Variants in GPHB5 observed in about 807,000 individuals in gnomAD.
GPHB5 encodes glycoprotein hormone beta-5.
A neutral mutation model predicts 10.1 loss-of-function variants in GPHB5; 7 were observed. The observed-to-expected ratio is 0.69, with a 90% CI of 0.39 to 1.30. The LOEUF (loss-of-function observed/expected upper bound fraction) is 1.30, where lower values mean the gene tolerates loss of function less well. Among genes scored for constraint, GPHB5 ranks in the 50% most tolerant of loss-of-function variants. The probability of loss-of-function intolerance (pLI) is 0.01; values close to 1 mark genes in which losing one functional copy is unlikely to be tolerated. For synonymous variants in GPHB5, 68 were observed against 70.1 expected (o/e 0.97, Z 0.15); for missense variants, 161 against 169.8 (o/e 0.95, Z 0.29).
intron 2 of GPHB5, among the ~76,000 whole-genome samples, chr14:63,313,676 A>G (rs1882715407): frequency 6.6e-6 from 1 of 152,140 alleles, no homozygotes; most frequent in South Asian, 2.1e-4. Context: ...CACCAGGAAC[A>G]GCCCCAGCTC....
At position 63,313,039 on chromosome 14, in the gene GPHB5, G is replaced by A; in HGVS notation, c.282C>T (p.Val94=). 6.2e-7 allele frequency: 1 copy of A among 1,604,518 alleles called. No homozygotes were observed. Among genetic ancestry groups the A allele is most frequent in the Non-Finnish European group, 8.5e-7 (1 of 1,175,484 alleles). ...CTYNETKQVT[V]KLPNCAPGVD... ...CTCCCGGGGCACAGTTGGGCAGCTT[G>A]ACAGTCACCTGTTTGGTCTCGTTGT... The change falls in exon 3 of 3, where the codon GTC becomes GTT. Residue 94 remains valine, a synonymous_variant. Transcript: ENST00000621500.
chr14:63,318,925 T>C lies in GPHB5; in HGVS notation c.-103A>G, dbSNP rs532559937. 6.6e-6 allele frequency: 1 copy of C among 152,370 alleles called. No individual in the cohort carries two copies. The highest frequency in any genetic ancestry group is 2.4e-5 in the African/African-American group (1 of 41,586). 9.4% of individuals were successfully genotyped at this position (152,370 alleles called of 1,614,324 possible). A position where few individuals can be genotyped will look rare whatever the true frequency, so the allele number is the denominator to read the frequency against. Reference sequence around the variant, plus strand: ...GAAGTTTGCCCTGGGTAAATGTCTCTACCTTCTGTTACTGGGCTGCTTGAT... The same window carrying C: ...GAAGTTTGCCCTGGGTAAATGTCTCCACCTTCTGTTACTGGGCTGCTTGAT... On this transcript the variant is annotated 5_prime_UTR_variant, in exon 1 of 3. Coordinates refer to ENST00000621500, the MANE Select transcript of GPHB5 (RefSeq NM_145171.4).
intron 2 of GPHB5, among the ~76,000 whole-genome samples, chr14:63,313,740 T>G (rs1236961115): frequency 1.3e-5 from 2 of 152,164 alleles, no homozygotes; most frequent in African/African-American, 4.8e-5. Context: ...TCCCGTATGA[T>G]TCACTCTTTC....
At chr14:63,313,661 T>C (rs1882714809) in intron 2 of GPHB5, among the ~76,000 whole-genome samples, 1 of 152,192 alleles carries the variant, frequency 6.6e-6, no homozygotes, top group South Asian at 2.1e-4. Context: ...ATTGCTCCTC[T>C]GACCCACCAG....
intron 2 of GPHB5, among the ~76,000 whole-genome samples, chr14:63,313,328 A>T (rs1566640062): frequency 6.6e-6 from 1 of 152,222 alleles, no homozygotes; most frequent in Non-Finnish European, 1.5e-5. Flanking sequence ...CATAGCACAC[A>T]GCAAGTGCTC....
chr14:63,316,614 G>T (rs1882775665), intron 2 of GPHB5, among the ~76,000 whole-genome samples: 1 of 152,152 alleles, frequency 6.6e-6, no homozygotes, highest in Non-Finnish European at 1.5e-5. Context: ...TAGGCATCAG[G>T]AATAAATATG....
At chr14:63,314,292 A>G (rs1028701542) in intron 2 of GPHB5, among the ~76,000 whole-genome samples, 2 of 142,754 alleles carry the variant, frequency 1.4e-5, no homozygotes, top group African/African-American at 5.5e-5. Context: ...AATCCACTTA[A>G]CTTCCTGAAG....
rs1214341794 is a variant in GPHB5 at position 63,317,633 on chromosome 14, CT to C, written c.204+12del. On this transcript the variant is annotated intron_variant, in intron 2 of 2. Transcript: ENST00000621500. ...CTAGAAGACACTGTCATCTGCACAA[CT>C]TAGCAACTCACCTCCCAGGTCTCAC... 1 of 1,613,426 alleles carries C rather than the reference CT, an allele frequency of 6.2e-7. No individual in the cohort carries two copies. Among genetic ancestry groups the C allele is most frequent in the African/African-American group, 1.3e-5 (1 of 74,922 alleles).
chr14:63,314,425 CA>C (rs1485031707), intron 2 of GPHB5, among the ~76,000 whole-genome samples: 1 of 132,964 alleles, frequency 7.5e-6, no homozygotes, highest in Non-Finnish European at 1.6e-5. Flanking sequence ...AAATGCAATC[CA>C]TTTTTTTTTT....
At position 63,313,012 on chromosome 14, in the gene GPHB5, G is replaced by C; in HGVS notation, c.309C>G (p.Val103=). ...CCACGGGATAGGTGTAGAAGGGGTC[G>C]ACTCCCGGGGCACAGTTGGGCAGCT... is the stretch of plus-strand genomic sequence containing the variant. ...TVKLPNCAPG[V]DPFYTYPVAI... Residue 103 remains valine, a synonymous_variant, in exon 3 of 3, where the codon GTC becomes GTG. Coordinates refer to ENST00000621500, the MANE Select transcript of GPHB5 (RefSeq NM_145171.4). The C allele has an allele frequency of 1.3e-6, 2 of 1,588,064 alleles. No individual in the cohort carries two copies. The highest frequency in any genetic ancestry group is 1.7e-4 in the Middle Eastern group (1 of 6,036).
At chr14:63,314,005 G>A (rs1882721940) in intron 2 of GPHB5, among the ~76,000 whole-genome samples, 1 of 152,162 alleles carries the variant, frequency 6.6e-6, no homozygotes, top group South Asian at 2.1e-4. Flanking sequence ...ACCCAAAACA[G>A]ACCCCGGGAG....
At chr14:63,315,384 T>A (rs1329895161) in intron 2 of GPHB5, among the ~76,000 whole-genome samples, 1 of 152,206 alleles carries the variant, frequency 6.6e-6, no homozygotes, top group African/African-American at 2.4e-5. Context: ...GTATAAGTCA[T>A]CCCAAATACT....
At chr14:63,313,893 A>G (rs899342377) in intron 2 of GPHB5, among the ~76,000 whole-genome samples, 1 of 152,218 alleles carries the variant, frequency 6.6e-6, no homozygotes, top group East Asian at 1.9e-4. Context: ...AGCACTGATC[A>G]ATACCACACG....
chr14:63,312,919 C>A lies in GPHB5; in HGVS notation c.*9G>T. 1 of 1,550,852 alleles carries A rather than the reference C, an allele frequency of 6.4e-7. No individual in the cohort carries two copies. The highest frequency in any genetic ancestry group is 1.2e-5 in the South Asian group (1 of 83,896). On this transcript the variant is annotated 3_prime_UTR_variant, in exon 3 of 3. Transcript: ENST00000621500. ...ACACAGGTGGGTCTGCAGAGAGCAGCTAGCGGCCTCAGATGGTCTCACACT... is the reference window on the plus strand; with the variant it reads ...ACACAGGTGGGTCTGCAGAGAGCAGATAGCGGCCTCAGATGGTCTCACACT...
At chr14:63,314,696 G>A (rs973403516) in intron 2 of GPHB5, among the ~76,000 whole-genome samples, 2 of 152,042 alleles carry the variant, frequency 1.3e-5, no homozygotes, top group Non-Finnish European at 2.9e-5. Flanking sequence ...ACAGGCGTGA[G>A]CCACCACGCC....
intron 1 of GPHB5, among the ~76,000 whole-genome samples, chr14:63,318,307 A>T (rs570057784): frequency 6.8e-4 from 103 of 152,338 alleles, no homozygotes; most frequent in African/African-American, 2.4e-3. Context: ...CAGTGTCATG[A>T]TGGGGAATGA....
At chr14:63,313,747 T>C (rs9323435) in intron 2 of GPHB5, among the ~76,000 whole-genome samples, 31,087 of 152,048 alleles carry the variant, frequency 0.2, 3,954 homozygotes, top group African/African-American at 0.36. Flanking sequence ...TGATTCACTC[T>C]TTCACCAACC....
At position 63,312,916 on chromosome 14, in the gene GPHB5, C is replaced by T. The variant is rs1882693622; in HGVS notation, c.*12G>A. ...CTCACACAGGTGGGTCTGCAGAGAG[C>T]AGCTAGCGGCCTCAGATGGTCTCAC... On this transcript the variant is annotated 3_prime_UTR_variant, in exon 3 of 3. Coordinates refer to ENST00000621500, the MANE Select transcript of GPHB5 (RefSeq NM_145171.4). 1 of 1,550,138 alleles carries T rather than the reference C, an allele frequency of 6.5e-7. No homozygotes were observed. Among genetic ancestry groups the T allele is most frequent in the East Asian group, 2.4e-5 (1 of 40,902 alleles).
intron 2 of GPHB5, among the ~76,000 whole-genome samples, chr14:63,314,578 C>T (rs1882735545): frequency 1.3e-5 from 2 of 151,694 alleles, no homozygotes; most frequent in African/African-American, 4.8e-5. Flanking sequence ...ACGCCTGGCT[C>T]ATTTTTTGTA....
Sources: allele counts gnomAD v4.1 joint callset (sites outside exome capture counted in the v4.1 genomes callset), GRCh38; gene constraint gnomAD v4.1.1; transcripts MANE v1.5; gene names NCBI Gene and HGNC (gene_info 2026-07-23, HGNC 2026-07-21).